Variants in SLC44A5 observed in about 807,000 individuals in gnomAD.
The protein encoded by SLC44A5 is choline transporter-like protein 5.
A neutral mutation model predicts 101.8 loss-of-function variants in SLC44A5; 57 were observed. That is an observed-to-expected ratio of 0.56 (90% CI 0.45 to 0.70). The LOEUF is 0.70. SLC44A5 is among the 30% of genes least tolerant of loss of function. The pLI, the probability that SLC44A5 is intolerant of heterozygous loss-of-function variation, is 0.00. For missense variants in SLC44A5, 737 were observed against 853.1 expected (o/e 0.86, Z 1.70); for synonymous variants, 281 against 290.9 (o/e 0.97, Z 0.35).
intron 1 of SLC44A5, among the ~76,000 whole-genome samples, chr1:75,576,910 T>C (rs1673401086): frequency 6.6e-6 from 1 of 152,130 alleles, no homozygotes; most frequent in African/African-American, 2.4e-5. Context: ...CTCACAGAGG[T>C]GTAGTGAAGA....
chr1:75,263,271 A>C (rs1650691040), intron 6 of SLC44A5, among the ~76,000 whole-genome samples: 1 of 152,226 alleles, frequency 6.6e-6, no homozygotes, highest in Non-Finnish European at 1.5e-5. Context: ...AAATAACTTA[A>C]ACAAATTTAC....
intron 2 of SLC44A5, among the ~76,000 whole-genome samples, chr1:75,522,566 T>G (rs977558852): frequency 6.6e-6 from 1 of 152,182 alleles, no homozygotes; most frequent in Non-Finnish European, 1.5e-5. Flanking sequence ...GCTGGTGGAT[T>G]AACTCCAGCA....
chr1:75,214,415 T>C (rs1195076157), intron 20 of SLC44A5, among the ~76,000 whole-genome samples, 190 bp downstream of exon 20: 1 of 152,100 alleles, frequency 6.6e-6, no homozygotes, highest in Non-Finnish European at 1.5e-5. Flanking sequence ...CACAGGTGGG[T>C]AATGGAAGCA....
At chr1:75,423,095 G>A (rs1664110134) in intron 2 of SLC44A5, among the ~76,000 whole-genome samples, 1 of 152,164 alleles carries the variant, frequency 6.6e-6, no homozygotes, top group South Asian at 2.1e-4. Context: ...TGCAAGGATT[G>A]GAAGAAAAGC....
chr1:75,687,228 C>A, the SLC44A5 span, among the ~76,000 whole-genome samples: 2 of 152,266 alleles, frequency 1.3e-5, no homozygotes, highest in East Asian at 3.9e-4. Context: ...CCCACCAGCA[C>A]CATGACAGTT....
the SLC44A5 span, among the ~76,000 whole-genome samples, chr1:75,637,136 A>G: frequency 2.0e-5 from 3 of 152,136 alleles, no homozygotes; most frequent in African/African-American, 7.2e-5. Flanking sequence ...AACAGTTCAT[A>G]GGAGCCAGCA....
intron 2 of SLC44A5, among the ~76,000 whole-genome samples, chr1:75,474,285 A>G (rs1667269471): frequency 6.6e-6 from 1 of 152,206 alleles, no homozygotes. Context: ...TGTCCAGTCT[A>G]AACTTACTAG....
At chr1:75,274,414 A>G (rs1651748142) in intron 6 of SLC44A5, among the ~76,000 whole-genome samples, 1 of 152,166 alleles carries the variant, frequency 6.6e-6, no homozygotes, top group Non-Finnish European at 1.5e-5. Flanking sequence ...TATGATTACC[A>G]TTAGAAAGAA....
chr1:75,399,523 G>C (rs865930170), intron 2 of SLC44A5, among the ~76,000 whole-genome samples: 2 of 152,158 alleles, frequency 1.3e-5, no homozygotes, highest in African/African-American at 4.8e-5. Flanking sequence ...TGCAAGGTCT[G>C]GCCCTGGATT....
At chr1:75,510,694 G>C (rs1471684864) in intron 2 of SLC44A5, among the ~76,000 whole-genome samples, 1 of 152,178 alleles carries the variant, frequency 6.6e-6, no homozygotes, top group Non-Finnish European at 1.5e-5. Context: ...AAATAGCCAG[G>C]CATTCTGTGG....
chr1:75,539,315 A>G (rs537790156), intron 2 of SLC44A5, among the ~76,000 whole-genome samples: 1 of 151,120 alleles, frequency 6.6e-6, no homozygotes, highest in South Asian at 2.1e-4. Flanking sequence ...CCACTTGTCA[A>G]CTCTGTATAA....
chr1:75,455,376 A>G (rs996830596), intron 2 of SLC44A5, among the ~76,000 whole-genome samples: 3 of 152,190 alleles, frequency 2.0e-5, no homozygotes, highest in Non-Finnish European at 2.9e-5. Context: ...AAAATGGATT[A>G]AATATTTAAA....
chr1:75,259,447 CAATG>C (rs1416484550), intron 6 of SLC44A5, among the ~76,000 whole-genome samples: 1 of 151,820 alleles, frequency 6.6e-6, no homozygotes, highest in Non-Finnish European at 1.5e-5. Flanking sequence ...AAGATCAACT[CAATG>C]AAATAAAGTG....
the SLC44A5 span, among the ~76,000 whole-genome samples, chr1:75,647,736 G>C: frequency 6.6e-6 from 1 of 152,182 alleles, no homozygotes; most frequent in African/African-American, 2.4e-5. Context: ...TTGCAGACTT[G>C]TGTGAGGCCT....
intron 21 of SLC44A5, 33 bp from the exon 22 acceptor site, chr1:75,213,826 C>T: frequency 1.3e-6 from 2 of 1,568,374 alleles, no homozygotes; most frequent in South Asian, 1.1e-5. Context: ...GTATATTATA[C>T]TTTTGCAAAA....
chr1:75,582,135 C>T (rs1448245201), intron 1 of SLC44A5: 4 of 748,288 alleles, frequency 5.3e-6, no homozygotes, highest in East Asian at 2.5e-5. Context: ...CAACTGGTCC[C>T]GAATATGGCA....
intron 12 of SLC44A5, among the ~76,000 whole-genome samples, chr1:75,232,898 T>TA (rs1318178649): frequency 6.6e-6 from 1 of 152,206 alleles, no homozygotes; most frequent in Non-Finnish European, 1.5e-5. Flanking sequence ...ACTGCATTCT[T>TA]ATATGTGCAA....
At chr1:75,639,861 G>A in the SLC44A5 span, among the ~76,000 whole-genome samples, 174 of 152,056 alleles carry the variant, frequency 1.1e-3, no homozygotes, top group African/African-American at 3.8e-3. Flanking sequence ...TGAGATAAGG[G>A]GGTAGTCAGA....
At chr1:75,678,484 A>AAT in the SLC44A5 span, among the ~76,000 whole-genome samples, 1 of 151,384 alleles carries the variant, frequency 6.6e-6, no homozygotes, top group Non-Finnish European at 1.5e-5. Flanking sequence ...ACTGGGAGGC[A>AAT]CCCTCCAGCA....
Sources: allele counts gnomAD v4.1 joint callset (sites outside exome capture counted in the v4.1 genomes callset), GRCh38; gene constraint gnomAD v4.1.1; transcripts MANE v1.5; gene names NCBI Gene and HGNC (gene_info 2026-07-23, HGNC 2026-07-21).